The following CCBE1 variants were observed in gnomAD, a reference collection of about 807,000 sequenced individuals.
CCBE1 encodes the protein collagen and calcium binding EGF domains 1, also known as collagen and calcium-binding EGF domain-containing protein 1.
CCBE1 carries 37 observed loss-of-function variants against 50.0 expected under a neutral mutation model. The observed-to-expected ratio is 0.74, with a 90% CI of 0.57 to 0.97. The LOEUF (loss-of-function observed/expected upper bound fraction) is 0.97, where lower values mean the gene tolerates loss of function less well. Ranked by LOEUF, CCBE1 falls within the 50% of genes least tolerant of loss-of-function variation. The pLI, the probability that CCBE1 is intolerant of heterozygous loss-of-function variation, is 0.00. For missense variants in CCBE1, 538 were observed against 523.8 expected (o/e 1.03, Z -0.26); for synonymous variants, 234 against 203.7 (o/e 1.15, Z -1.27).
intron 2 of CCBE1, among the ~76,000 whole-genome samples, chr18:59,554,142 A>G (rs1158344592): frequency 6.6e-6 from 1 of 152,158 alleles, no homozygotes; most frequent in East Asian, 1.9e-4. Context: ...GGCACTCCCC[A>G]CAATGCCCAG....
chr18:59,663,155 G>A (rs2054307802), intron 2 of CCBE1, among the ~76,000 whole-genome samples: 1 of 152,204 alleles, frequency 6.6e-6, no homozygotes, highest in Non-Finnish European at 1.5e-5. Flanking sequence ...TTACTATCAT[G>A]GAGCAATTGC....
chr18:59,612,330 G>GAAA (rs5825351), intron 2 of CCBE1, among the ~76,000 whole-genome samples: 3 of 130,688 alleles, frequency 2.3e-5, no homozygotes, highest in East Asian at 2.2e-4. Context: ...AGAAAAAAAA[G>GAAA]AAAAAAAAAA....
At chr18:59,494,133 G>A (rs184896281) in intron 2 of CCBE1, among the ~76,000 whole-genome samples, 11 of 152,316 alleles carry the variant, frequency 7.2e-5, no homozygotes, top group South Asian at 2.1e-4. Flanking sequence ...TACAAGCTTC[G>A]TAACAGAAGT....
chr18:59,546,126 C>G (rs1007466528), intron 2 of CCBE1, among the ~76,000 whole-genome samples: 1 of 152,192 alleles, frequency 6.6e-6, no homozygotes, highest in African/African-American at 2.4e-5. Flanking sequence ...TGACATTCTT[C>G]TATAAGCTTA....
intron 2 of CCBE1, among the ~76,000 whole-genome samples, chr18:59,612,506 C>A (rs1464605856): frequency 6.6e-6 from 1 of 152,108 alleles, no homozygotes; most frequent in Non-Finnish European, 1.5e-5. Context: ...TCATTCTATT[C>A]TTCCCTAGAA....
chr18:59,661,838 G>A lies in CCBE1; in HGVS notation c.212+34791C>T, dbSNP rs139133699. Among the ~76,000 whole-genome samples the A allele has an allele frequency of 1.8e-4, 27 of 152,108 alleles. No individual in the cohort carries two copies. In the East Asian group the frequency reaches 2.9e-3, roughly 16 times the overall value. On this transcript the variant is annotated intron_variant, in intron 2 of 10. Coordinates refer to ENST00000439986, the MANE Select transcript of CCBE1 (RefSeq NM_133459.4). ...AAAAACTAGCGGGGCACAATGCTGC[G>A]CACCTGTAATCCCCACTACTTGGGA...
intron 2 of CCBE1, among the ~76,000 whole-genome samples, chr18:59,672,308 T>C (rs2054442393): frequency 6.6e-6 from 1 of 152,178 alleles, no homozygotes; most frequent in Non-Finnish European, 1.5e-5. Context: ...CCCATTCCTG[T>C]GCACAAGCTG....
chr18:59,659,431 G>C (rs750165778), intron 2 of CCBE1, among the ~76,000 whole-genome samples: 10 of 152,056 alleles, frequency 6.6e-5, no homozygotes, highest in Non-Finnish European at 1.2e-4. Flanking sequence ...GCATTCTCTC[G>C]GGCATGAAAA....
rs1009189859 is a variant in CCBE1 at position 59,650,219 on chromosome 18, T to C, written c.212+46410A>G. 1.4e-4 allele frequency among the ~76,000 whole-genome samples: 21 copies of C among 151,902 alleles called. No individual in the cohort carries two copies. The South Asian group carries it at 2.3e-3, about 17-fold the overall frequency. ...GGGAACTGTTTCTTTTAAAAATAAA[T>C]AAACAGATATACAGCACTAAGGCAG... On this transcript the variant is annotated intron_variant, in intron 2 of 10. Transcript: ENST00000439986.
chr18:59,616,179 C>A (rs1368033528), intron 2 of CCBE1, among the ~76,000 whole-genome samples: 1 of 152,142 alleles, frequency 6.6e-6, no homozygotes, highest in African/African-American at 2.4e-5. Context: ...CCTGTCAAAC[C>A]AGTGAGGGCT....
chr18:59,510,663 C>T (rs992773676), intron 2 of CCBE1, among the ~76,000 whole-genome samples: 1 of 152,264 alleles, frequency 6.6e-6, no homozygotes, highest in Non-Finnish European at 1.5e-5. Context: ...CTCAGGTGAT[C>T]CACCTGCCTC....
intron 5 of CCBE1, chr18:59,465,488 T>C (rs1160144750): frequency 6.6e-6 from 1 of 152,194 alleles, no homozygotes; most frequent in African/African-American, 2.4e-5. Flanking sequence ...GTCGCCGACA[T>C]AATGTAAATC....
rs973669511 is a variant in CCBE1, at chr18:59,477,100, C to T, written c.265+3086G>A. ...TAAGGTGCCACCTGGCTACTTTGGT[C>T]TCCTCATGCCTCTGCATCAGCAGGC... On this transcript the variant is annotated intron_variant, in intron 3 of 10. Transcript: ENST00000439986. 3.9e-5 allele frequency among the ~76,000 whole-genome samples: 6 copies of T among 152,344 alleles called. No homozygotes were observed. The South Asian group carries it at 8.3e-4, about 21-fold the overall frequency.
chr18:59,480,322 C>T (rs1912514185), intron 2 of CCBE1, 84 bp from the exon 3 acceptor site: 3 of 1,089,464 alleles, frequency 2.8e-6, no homozygotes, highest in Admixed American at 1.9e-5. Context: ...AATGAAATAA[C>T]TTGTGCCCAG....
intron 2 of CCBE1, among the ~76,000 whole-genome samples, chr18:59,529,396 C>T (rs1277467330): frequency 1.3e-5 from 2 of 152,234 alleles, no homozygotes; most frequent in Non-Finnish European, 2.9e-5. Context: ...CCACCTCTCT[C>T]CCCGGGAACT....
Position 59,621,516 on chromosome 18 carries a change from A to G in CCBE1, c.212+75113T>C, listed in dbSNP as rs550333670. The stretch of plus-strand genomic sequence containing the variant: ...GACATGTGGATAAATAACCCCCACT[A>G]ATAATTGCTACAACTTGCCATGCAT... On this transcript the variant is annotated intron_variant, in intron 2 of 10. Coordinates refer to ENST00000439986, the MANE Select transcript of CCBE1 (RefSeq NM_133459.4). 1.1e-4 allele frequency among the ~76,000 whole-genome samples: 17 copies of G among 152,324 alleles called. No homozygotes were observed. In the South Asian group the frequency reaches 1.2e-3, roughly 11 times the overall value.
intron 2 of CCBE1, among the ~76,000 whole-genome samples, chr18:59,506,010 G>C (rs1488281826): frequency 6.6e-6 from 1 of 152,210 alleles, no homozygotes; most frequent in African/African-American, 2.4e-5. Context: ...TGGGTGGGTT[G>C]AACAGTGTCT....
At chr18:59,481,662 T>C (rs1412846861) in intron 2 of CCBE1, among the ~76,000 whole-genome samples, 2 of 152,316 alleles carry the variant, frequency 1.3e-5, no homozygotes, top group Admixed American at 6.5e-5. Context: ...GACAGTGATA[T>C]GACATCCTTT....
intron 3 of CCBE1, among the ~76,000 whole-genome samples, chr18:59,470,885 A>T (rs1003458883): frequency 9.2e-5 from 14 of 152,160 alleles, no homozygotes; most frequent in African/African-American, 3.4e-4. Flanking sequence ...TGTGACAAGT[A>T]TTGTGCCACT....
Sources: gnomAD v4.1 joint callset for allele counts (sites outside exome capture counted in the v4.1 genomes callset) on GRCh38, gnomAD v4.1.1 for gene constraint, MANE v1.5 for transcripts, NCBI Gene and HGNC (gene_info 2026-07-23, HGNC 2026-07-21) for gene names.